Variants in ATXN7L3B observed in about 807,000 individuals in gnomAD.
The protein encoded by ATXN7L3B is ataxin-7-like protein 3B.
ATXN7L3B carries 4 observed loss-of-function variants against 6.3 expected under a neutral mutation model. The observed-to-expected ratio is 0.63, with a 90% confidence interval of 0.31 to 1.45. The LOEUF is 1.45. Ranked by LOEUF, ATXN7L3B falls within the 40% of genes most tolerant of loss-of-function variation. The probability of loss-of-function intolerance (pLI) is 0.07; values close to 1 mark genes in which losing one functional copy is unlikely to be tolerated. For synonymous variants in ATXN7L3B, 63 were observed against 48.0 expected, an observed-to-expected ratio of 1.31 and a Z score of -1.29; for missense variants, 120 against 118.5, an observed-to-expected ratio of 1.01 and a Z score of -0.06.
In ATXN7L3B at chr12:74,539,041, T is replaced by C. The variant is rs140410529; in HGVS notation, c.*635T>C. The C allele has an allele frequency of 2.8e-3, 477 of 167,842 alleles. 3 individuals carry two copies. The highest frequency in any genetic ancestry group is 7.3e-3 in the Admixed American group (113 of 15,380). The allele number at this position is 167,842 out of a possible 1,614,324, so 10.4% of individuals were successfully genotyped here. Reference sequence around the variant, plus strand: ...TGTTTCCCAAAAGTCCAGACTACAATGATTCAGCTGACTTGAGGACAAGGC... The same window carrying C: ...TGTTTCCCAAAAGTCCAGACTACAACGATTCAGCTGACTTGAGGACAAGGC... On this transcript the variant is annotated 3_prime_UTR_variant, in exon 1 of 1. Coordinates refer to ENST00000519948, the MANE Select transcript of ATXN7L3B (RefSeq NM_001136262.2).
rs1193550457 is a variant in ATXN7L3B, at chr12:74,545,342, CCTTTCTTTT to C, written c.*6937_*6945del. On this transcript the variant is annotated 3_prime_UTR_variant, in exon 1 of 1. Coordinates refer to ENST00000519948, the MANE Select transcript of ATXN7L3B (RefSeq NM_001136262.2). ...AAACCTATGTTCTTATACTTTGTTGCCTTTCTTTTGATGTTTAACAATAGGCAAATCAAT... is the reference window on the plus strand; with the variant it reads ...AAACCTATGTTCTTATACTTTGTTGCGATGTTTAACAATAGGCAAATCAAT... 4 of 152,104 alleles carry C rather than the reference CCTTTCTTTT, an allele frequency of 2.6e-5. No individual in the cohort carries two copies. The highest frequency in any genetic ancestry group is 4.4e-5 in the Non-Finnish European group (3 of 67,896). 9.4% of individuals were successfully genotyped at this position (152,104 alleles called of 1,614,324 possible). A position where few individuals can be genotyped will look rare whatever the true frequency, so the allele number is the denominator to read the frequency against.
rs1868973888 is a variant in ATXN7L3B at position 74,544,425 on chromosome 12, G to A, written c.*6019G>A. The A allele has an allele frequency of 6.6e-6, 1 of 151,924 alleles. No homozygotes were observed. The highest frequency in any genetic ancestry group is 2.4e-5 in the African/African-American group (1 of 41,412). The allele number at this position is 151,924 out of a possible 1,614,324, so 9.4% of individuals were successfully genotyped here. Reference sequence around the variant, plus strand: ...GAACACCAGATGCTAGAATAGACAAGATCTTTTTGACAGATGTATATTTTA... The same window carrying A: ...GAACACCAGATGCTAGAATAGACAAAATCTTTTTGACAGATGTATATTTTA... On this transcript the variant is annotated 3_prime_UTR_variant, in exon 1 of 1. Transcript: ENST00000519948.
chr12:74,540,605 A>G lies in ATXN7L3B; in HGVS notation c.*2199A>G, dbSNP rs1262427861. 1 of 167,086 alleles carries G rather than the reference A, an allele frequency of 6.0e-6. No individual in the cohort carries two copies. Among genetic ancestry groups the G allele is most frequent in the Non-Finnish European group, 1.5e-5 (1 of 68,146 alleles). 10.4% of individuals were successfully genotyped at this position (167,086 alleles called of 1,614,324 possible). A position where few individuals can be genotyped will look rare whatever the true frequency, so the allele number is the denominator to read the frequency against. ...TTAAAAAAAATCAAACCTTGGCAAG[A>G]GCTAAAATAATTTGGAGATATCTTT... On this transcript the variant is annotated 3_prime_UTR_variant, in exon 1 of 1. Transcript: ENST00000519948.
Position 74,538,804 on chromosome 12 carries a change from C to T in ATXN7L3B, c.*398C>T. 1 of 203,930 alleles carries T rather than the reference C, an allele frequency of 4.9e-6. No individual in the cohort carries two copies. The highest frequency in any genetic ancestry group is 1.1e-5 in the Non-Finnish European group (1 of 89,084). The allele number at this position is 203,930 out of a possible 1,614,324, so 12.6% of individuals were successfully genotyped here. ...GGCTTCTTGGACAGTTTGGACGTTA[C>T]AGTTCGTCAGGCCGTGATCAGTGGC... On this transcript the variant is annotated 3_prime_UTR_variant, in exon 1 of 1. Coordinates refer to ENST00000519948, the MANE Select transcript of ATXN7L3B (RefSeq NM_001136262.2).
rs1329800185 is a variant in ATXN7L3B at position 74,544,991 on chromosome 12, G to T, written c.*6585G>T. On this transcript the variant is annotated 3_prime_UTR_variant, in exon 1 of 1. Coordinates refer to ENST00000519948, the MANE Select transcript of ATXN7L3B (RefSeq NM_001136262.2). ...AAAGTTCCCTTAGGTTCAAAGAAATGCAAACTAAAAACAAAATACCAATTT... is the reference window on the plus strand; with the variant it reads ...AAAGTTCCCTTAGGTTCAAAGAAATTCAAACTAAAAACAAAATACCAATTT... 1 of 151,894 alleles carries T rather than the reference G, an allele frequency of 6.6e-6. No homozygotes were observed. Among genetic ancestry groups the T allele is most frequent in the Non-Finnish European group, 1.5e-5 (1 of 67,840 alleles). 9.4% of individuals were successfully genotyped at this position (151,894 alleles called of 1,614,324 possible).
At position 74,540,544 on chromosome 12, in the gene ATXN7L3B, C is replaced by T. The variant is rs771846060; in HGVS notation, c.*2138C>T. On this transcript the variant is annotated 3_prime_UTR_variant, in exon 1 of 1. Transcript: ENST00000519948. Reference sequence around the variant, plus strand: ...AGAGTTGTCCTGATCAGGCTTGGGGCCTAGTTACAGATTAGTCTTAAAGAA... The same window carrying T: ...AGAGTTGTCCTGATCAGGCTTGGGGTCTAGTTACAGATTAGTCTTAAAGAA... 1.8e-5 allele frequency: 3 copies of T among 166,972 alleles called. No individual in the cohort carries two copies. The highest frequency in any genetic ancestry group is 4.4e-5 in the Non-Finnish European group (3 of 68,118). 10.3% of individuals were successfully genotyped at this position (166,972 alleles called of 1,614,324 possible).
rs139659446 is a variant in ATXN7L3B, at chr12:74,543,977, A to G, written c.*5571A>G. The G allele has an allele frequency of 3.5e-3, 532 of 152,200 alleles. 3 individuals carry two copies. Among genetic ancestry groups the G allele is most frequent in the African/African-American group, 0.012 (486 of 41,584 alleles). The allele number at this position is 152,200 out of a possible 1,614,324, so 9.4% of individuals were successfully genotyped here. A position where few individuals can be genotyped will look rare whatever the true frequency, so the allele number is the denominator to read the frequency against. Reference sequence around the variant, plus strand: ...CTGTTCTAAGATGATATTTACATGAACAATTTTATAGAATCTAGAAACAGT... The same window carrying G: ...CTGTTCTAAGATGATATTTACATGAGCAATTTTATAGAATCTAGAAACAGT... On this transcript the variant is annotated 3_prime_UTR_variant, in exon 1 of 1. Coordinates refer to ENST00000519948, the MANE Select transcript of ATXN7L3B (RefSeq NM_001136262.2).
rs1868995102 is a variant in ATXN7L3B at position 74,545,250 on chromosome 12, T to G, written c.*6844T>G. 6.6e-6 allele frequency: 1 copy of G among 152,034 alleles called. No individual in the cohort carries two copies. The highest frequency in any genetic ancestry group is 2.4e-5 in the African/African-American group (1 of 41,436). The allele number at this position is 152,034 out of a possible 1,614,324, so 9.4% of individuals were successfully genotyped here. A position where few individuals can be genotyped will look rare whatever the true frequency, so the allele number is the denominator to read the frequency against. On this transcript the variant is annotated 3_prime_UTR_variant, in exon 1 of 1. Transcript: ENST00000519948. The stretch of plus-strand genomic sequence containing the variant: ...GAAAAATTGAAAGTAATATACCCAT[T>G]TGGAATACATATAGTCACTATACTG...
Position 74,538,501 on chromosome 12 carries a change from A to G in ATXN7L3B, c.*95A>G, listed in dbSNP as rs1868783287. ...CTAAGTAGAAAAAAGTAGAAAAATC[A>G]GACAAAAGTTTTAATTCCCCCTTGA... On this transcript the variant is annotated 3_prime_UTR_variant, in exon 1 of 1. Transcript: ENST00000519948. 8.4e-7 allele frequency: 1 copy of G among 1,196,316 alleles called. No individual in the cohort carries two copies. The highest frequency in any genetic ancestry group is 1.2e-6 in the Non-Finnish European group (1 of 867,212). 74.1% of individuals were successfully genotyped at this position (1,196,316 alleles called of 1,614,324 possible). A position where few individuals can be genotyped will look rare whatever the true frequency, so the allele number is the denominator to read the frequency against.
In ATXN7L3B at chr12:74,544,965, A is replaced by G. The variant is rs1868987015; in HGVS notation, c.*6559A>G. 1 of 152,082 alleles carries G rather than the reference A, an allele frequency of 6.6e-6. No individual in the cohort carries two copies. The highest frequency in any genetic ancestry group is 1.5e-5 in the Non-Finnish European group (1 of 67,910). The allele number at this position is 152,082 out of a possible 1,614,324, so 9.4% of individuals were successfully genotyped here. A position where few individuals can be genotyped will look rare whatever the true frequency, so the allele number is the denominator to read the frequency against. On this transcript the variant is annotated 3_prime_UTR_variant, in exon 1 of 1. Transcript: ENST00000519948. ...GAAATATGAATGGCCAAAAAGTTGT[A>G]AAAGTTCCCTTAGGTTCAAAGAAAT...
rs1868979885 is a variant in ATXN7L3B at position 74,544,679 on chromosome 12, T to C, written c.*6273T>C. ...GTAAAAGTAAAAAATGTCAAATCTT[T>C]CTAGAAAAATATAGGAGGATGTGTT... On this transcript the variant is annotated 3_prime_UTR_variant, in exon 1 of 1. Transcript: ENST00000519948. 1 of 152,016 alleles carries C rather than the reference T, an allele frequency of 6.6e-6. No homozygotes were observed. The highest frequency in any genetic ancestry group is 2.1e-4 in the South Asian group (1 of 4,828). 9.4% of individuals were successfully genotyped at this position (152,016 alleles called of 1,614,324 possible).
rs973369231 is a variant in ATXN7L3B at position 74,543,833 on chromosome 12, A to G, written c.*5427A>G. ...TTAACAATATAGAAACCAAAGCTCA[A>G]GAACTTGTACACACTGCAAAAGGGT... On this transcript the variant is annotated 3_prime_UTR_variant, in exon 1 of 1. Transcript: ENST00000519948. The G allele has an allele frequency of 1.3e-5, 2 of 152,076 alleles. No individual in the cohort carries two copies. Among genetic ancestry groups the G allele is most frequent in the African/African-American group, 4.8e-5 (2 of 41,466 alleles). The allele number at this position is 152,076 out of a possible 1,614,324, so 9.4% of individuals were successfully genotyped here. A position where few individuals can be genotyped will look rare whatever the true frequency, so the allele number is the denominator to read the frequency against.
Position 74,544,920 on chromosome 12 carries a change from A to G in ATXN7L3B, c.*6514A>G, listed in dbSNP as rs1289595090. The G allele has an allele frequency of 6.6e-6, 1 of 152,088 alleles. No homozygotes were observed. Among genetic ancestry groups the G allele is most frequent in the African/African-American group, 2.4e-5 (1 of 41,460 alleles). The allele number at this position is 152,088 out of a possible 1,614,324, so 9.4% of individuals were successfully genotyped here. On this transcript the variant is annotated 3_prime_UTR_variant, in exon 1 of 1. Coordinates refer to ENST00000519948, the MANE Select transcript of ATXN7L3B (RefSeq NM_001136262.2). ...ATTGCCAAATGTATAAAGTAAAAGA[A>G]CAGCTCATTCTTACAAAAAGAAATA...
At position 74,542,842 on chromosome 12, in the gene ATXN7L3B, A is replaced by C. The variant is rs553759197; in HGVS notation, c.*4436A>C. The C allele has an allele frequency of 6.6e-6, 1 of 151,762 alleles. No homozygotes were observed. Among genetic ancestry groups the C allele is most frequent in the African/African-American group, 2.4e-5 (1 of 41,276 alleles). The allele number at this position is 151,762 out of a possible 1,614,324, so 9.4% of individuals were successfully genotyped here. ...TTTTTTAAAAGAGATTTATGAAGAA[A>C]CTATGTGCTAAAAGCACAACAATTA... On this transcript the variant is annotated 3_prime_UTR_variant, in exon 1 of 1. Coordinates refer to ENST00000519948, the MANE Select transcript of ATXN7L3B (RefSeq NM_001136262.2).
rs1868883703 is a variant in ATXN7L3B, at chr12:74,541,117, A to T, written c.*2711A>T. On this transcript the variant is annotated 3_prime_UTR_variant, in exon 1 of 1. Transcript: ENST00000519948. Reference sequence around the variant, plus strand: ...TGTGTATTGATCACCCTGCAATCCTATTATGTATCTGAGTGTGTGTGTGTG... The same window carrying T: ...TGTGTATTGATCACCCTGCAATCCTTTTATGTATCTGAGTGTGTGTGTGTG... 6.1e-6 allele frequency: 1 copy of T among 163,244 alleles called. No homozygotes were observed. Among genetic ancestry groups the T allele is most frequent in the South Asian group, 2.2e-4 (1 of 4,640 alleles). 10.1% of individuals were successfully genotyped at this position (163,244 alleles called of 1,614,324 possible).
In ATXN7L3B at chr12:74,538,723, G is replaced by T; in HGVS notation, c.*317G>T. On this transcript the variant is annotated 3_prime_UTR_variant, in exon 1 of 1. Transcript: ENST00000519948. ...CCCCAGTGCACAGGTGAGCAGTTGT[G>T]TGCCCAGCATATAAAATTTTTGGTT... The T allele has an allele frequency of 3.2e-6, 1 of 310,702 alleles. No individual in the cohort carries two copies. The highest frequency in any genetic ancestry group is 4.8e-5 in the Admixed American group (1 of 20,840). 19.2% of individuals were successfully genotyped at this position (310,702 alleles called of 1,614,324 possible). A position where few individuals can be genotyped will look rare whatever the true frequency, so the allele number is the denominator to read the frequency against.
chr12:74,541,772 TC>T lies in ATXN7L3B; in HGVS notation c.*3367del, dbSNP rs748952614. On this transcript the variant is annotated 3_prime_UTR_variant, in exon 1 of 1. Transcript: ENST00000519948. ...TTCCATTTGAATTGAACTCAATATA[TC>T]TTAGTAAGTACATTTTACCATCATT... The T allele has an allele frequency of 6.6e-6, 1 of 152,210 alleles. No homozygotes were observed. The highest frequency in any genetic ancestry group is 1.5e-5 in the Non-Finnish European group (1 of 68,048). The allele number at this position is 152,210 out of a possible 1,614,324, so 9.4% of individuals were successfully genotyped here.
chr12:74,542,131 T>G lies in ATXN7L3B; in HGVS notation c.*3725T>G, dbSNP rs1372193419. On this transcript the variant is annotated 3_prime_UTR_variant, in exon 1 of 1. Transcript: ENST00000519948. Reference sequence around the variant, plus strand: ...CTCAATAGGATACCTCAGGGAAGCTTATAGATGTGTAACATGGTATTGAGT... The same window carrying G: ...CTCAATAGGATACCTCAGGGAAGCTGATAGATGTGTAACATGGTATTGAGT... 1 of 152,156 alleles carries G rather than the reference T, an allele frequency of 6.6e-6. No homozygotes were observed. Among genetic ancestry groups the G allele is most frequent in the Non-Finnish European group, 1.5e-5 (1 of 68,016 alleles). 9.4% of individuals were successfully genotyped at this position (152,156 alleles called of 1,614,324 possible).
chr12:74,539,646 C>G lies in ATXN7L3B; in HGVS notation c.*1240C>G, dbSNP rs1285859266. 1 of 167,084 alleles carries G rather than the reference C, an allele frequency of 6.0e-6. No individual in the cohort carries two copies. Among genetic ancestry groups the G allele is most frequent in the African/African-American group, 2.4e-5 (1 of 41,438 alleles). 10.4% of individuals were successfully genotyped at this position (167,084 alleles called of 1,614,324 possible). ...AAAGGGATAGTCCTTTCCACTCGGT[C>G]CCCTTTGGATCTTCTTGACAACAGG... On this transcript the variant is annotated 3_prime_UTR_variant, in exon 1 of 1. Transcript: ENST00000519948.
Sources: allele counts gnomAD v4.1 joint callset, GRCh38; gene constraint gnomAD v4.1.1; transcripts MANE v1.5; gene names NCBI Gene and HGNC (gene_info 2026-07-23, HGNC 2026-07-21).